The following FER variants were observed in gnomAD, a reference collection of about 807,000 sequenced individuals.
FER encodes the protein tyrosine-protein kinase Fer.
A neutral mutation model predicts 111.0 loss-of-function variants in FER; 63 were observed. That is an observed-to-expected ratio of 0.57 (90% confidence interval 0.46 to 0.70). The LOEUF (loss-of-function observed/expected upper bound fraction) is 0.70, where lower values mean the gene tolerates loss of function less well. Among genes scored for constraint, FER ranks in the 30% least tolerant of loss-of-function variants. The probability of loss-of-function intolerance (pLI) is 0.00; values close to 1 mark genes in which losing one functional copy is unlikely to be tolerated. For missense variants in FER, 914 were observed against 954.0 expected, an observed-to-expected ratio of 0.96 and a Z score of 0.55; for synonymous variants, 327 against 313.9, an observed-to-expected ratio of 1.04 and a Z score of -0.44.
chr5:108,904,160 C>T (rs1750424677), intron 10 of FER, among the ~76,000 whole-genome samples: 1 of 151,736 alleles, frequency 6.6e-6, no homozygotes, highest in African/African-American at 2.4e-5. Context: ...CAGTAGTGAA[C>T]AAAATAGAAT....
At chr5:109,109,851 T>A (rs1265678866) in intron 17 of FER, among the ~76,000 whole-genome samples, 5 of 152,168 alleles carry the variant, frequency 3.3e-5, no homozygotes, top group African/African-American at 1.2e-4. Flanking sequence ...TAGGGCCTTG[T>A]TGAATCTGAG....
chr5:109,187,617 C>G lies in FER; in HGVS notation c.*42C>G. On this transcript the variant is annotated 3_prime_UTR_variant, in exon 20 of 20. Transcript: ENST00000281092. ...AACTCAGCCTTCAGGACTCTGTCCT[C>G]CAGCAGAGTAACATTATTGTTCTCA... The G allele has an allele frequency of 1.9e-6, 3 of 1,604,956 alleles. No individual in the cohort carries two copies. The highest frequency in any genetic ancestry group is 2.6e-6 in the Non-Finnish European group (3 of 1,173,190).
chr5:108,891,969 T>C (rs1335652110), intron 9 of FER, among the ~76,000 whole-genome samples: 1 of 152,188 alleles, frequency 6.6e-6, no homozygotes, highest in Non-Finnish European at 1.5e-5. Context: ...TCCAGCTTCA[T>C]CCATGTCCCT....
intron 5 of FER, among the ~76,000 whole-genome samples, chr5:108,866,656 C>G (rs1308133274): frequency 6.6e-6 from 1 of 150,544 alleles, no homozygotes; most frequent in Non-Finnish European, 1.5e-5. Context: ...ATACAAGTTA[C>G]AAAAGAATGC....
chr5:108,871,938 T>C (rs1032155049), intron 7 of FER, among the ~76,000 whole-genome samples, 155 bp from the exon 8 acceptor site: 6 of 152,088 alleles, frequency 3.9e-5, no homozygotes, highest in Non-Finnish European at 8.8e-5. Context: ...AGTTACACAA[T>C]TTTGAAACCC....
chr5:108,968,150 A>G (rs1323067696), intron 13 of FER, among the ~76,000 whole-genome samples: 1 of 152,248 alleles, frequency 6.6e-6, no homozygotes, highest in East Asian at 1.9e-4. Context: ...GCACTTTGGG[A>G]GGCAAAGGCA....
At chr5:108,955,965 C>T (rs1758370549) in intron 12 of FER, among the ~76,000 whole-genome samples, 2 of 151,616 alleles carry the variant, frequency 1.3e-5, no homozygotes, top group Admixed American at 1.3e-4. Context: ...ATTTACATCT[C>T]GTAGTTATAG....
chr5:109,092,284 CAAAAAA>C (rs70999914), intron 16 of FER, among the ~76,000 whole-genome samples: 5 of 40,426 alleles, frequency 1.2e-4, no homozygotes, highest in South Asian at 1.3e-3. Flanking sequence ...CTTATGATGG[CAAAAAA>C]AAAAAAAAAA....
chr5:109,159,359 T>C (rs184071348), intron 17 of FER, among the ~76,000 whole-genome samples: 11 of 152,326 alleles, frequency 7.2e-5, no homozygotes, highest in Admixed American at 7.2e-4. Flanking sequence ...TTTTTGTGTT[T>C]ATAGCAGCAT....
chr5:109,003,232 G>T (rs1337782654), intron 13 of FER, among the ~76,000 whole-genome samples: 2 of 152,304 alleles, frequency 1.3e-5, no homozygotes, highest in East Asian at 3.9e-4. Context: ...GTCCAACAAT[G>T]ATAGACTGGA....
At chr5:108,853,318 G>T (rs1458727676) in intron 5 of FER, among the ~76,000 whole-genome samples, 1 of 152,068 alleles carries the variant, frequency 6.6e-6, no homozygotes, top group African/African-American at 2.4e-5. Flanking sequence ...TTGGGATATT[G>T]TAGATAACAA....
rs1759486289 is a variant in FER, at chr5:109,193,018, T to A, written c.*5443T>A. The A allele has an allele frequency of 6.6e-6, 1 of 152,104 alleles. No homozygotes were observed. Among genetic ancestry groups the A allele is most frequent in the Non-Finnish European group, 1.5e-5 (1 of 68,004 alleles). 9.4% of individuals were successfully genotyped at this position (152,104 alleles called of 1,614,324 possible). Reference sequence around the variant, plus strand: ...ATGTAAAATGACCCATAGCCAACAATAAATGCAATAACAATAAAGGAAACT... The same window carrying A: ...ATGTAAAATGACCCATAGCCAACAAAAAATGCAATAACAATAAAGGAAACT... On this transcript the variant is annotated 3_prime_UTR_variant, in exon 20 of 20. Transcript: ENST00000281092.
At chr5:109,168,847 A>G (rs555326753) in intron 17 of FER, among the ~76,000 whole-genome samples, 1 of 152,334 alleles carries the variant, frequency 6.6e-6, no homozygotes, top group Non-Finnish European at 1.5e-5. Context: ...CAGCTGTCAC[A>G]TTATTCTTCC....
At chr5:108,951,391 C>T (rs1581362853) in intron 11 of FER, among the ~76,000 whole-genome samples, 1 of 152,124 alleles carries the variant, frequency 6.6e-6, no homozygotes, top group East Asian at 1.9e-4. Flanking sequence ...AGGATACAGC[C>T]ACTGTGCCCG....
rs368457584 is a variant in FER, at chr5:109,082,273, G to A, written c.1925-18123G>A. 1.8e-4 allele frequency among the ~76,000 whole-genome samples: 28 copies of A among 152,070 alleles called. 1 individual carries two copies. The highest frequency in any genetic ancestry group is 6.5e-4 in the African/African-American group (27 of 41,498). On this transcript the variant is annotated intron_variant, in intron 16 of 19. Transcript: ENST00000281092. ...AGCTGAAGAGCTTACTGTGTGACCTGAGTGGCTGCACCACCCTGCACCCAG... is the reference window on the plus strand; with the variant it reads ...AGCTGAAGAGCTTACTGTGTGACCTAAGTGGCTGCACCACCCTGCACCCAG...
chr5:109,142,638 C>T (rs1315307078), intron 17 of FER, among the ~76,000 whole-genome samples: 1 of 151,984 alleles, frequency 6.6e-6, no homozygotes, highest in East Asian at 1.9e-4. Flanking sequence ...AGAGCATATA[C>T]AGTATATGGT....
intron 14 of FER, among the ~76,000 whole-genome samples, chr5:109,042,737 G>T (rs1322718256): frequency 1.3e-5 from 2 of 152,152 alleles, no homozygotes; most frequent in African/African-American, 2.4e-5. Context: ...ATAAGAAATG[G>T]ATTTAAAGAC....
chr5:108,878,324 C>T (rs1280474569), intron 8 of FER, among the ~76,000 whole-genome samples: 1 of 152,002 alleles, frequency 6.6e-6, no homozygotes, highest in Non-Finnish European at 1.5e-5. Flanking sequence ...ATTTTCCTTT[C>T]TTCTTTTCGT....
At chr5:109,154,925 A>G (rs1755206869) in intron 17 of FER, among the ~76,000 whole-genome samples, 1 of 151,918 alleles carries the variant, frequency 6.6e-6, no homozygotes, top group Non-Finnish European at 1.5e-5. Context: ...TGCTCTTGGA[A>G]TATCTTTTAT....
Sources: gnomAD v4.1 joint callset for allele counts (sites outside exome capture counted in the v4.1 genomes callset) on GRCh38, gnomAD v4.1.1 for gene constraint, MANE v1.5 for transcripts, NCBI Gene and HGNC (gene_info 2026-07-23, HGNC 2026-07-21) for gene names.